YAP1: variants seen among roughly 807,000 people sequenced by gnomAD.
YAP1 encodes Yes1 associated transcriptional regulator.
Under a neutral mutation model 56.9 loss-of-function variants are expected in YAP1, and 5 were observed. The observed-to-expected ratio is 0.09, with a 90% CI of 0.05 to 0.18. The LOEUF (loss-of-function observed/expected upper bound fraction) is 0.18, where lower values mean the gene tolerates loss of function less well. YAP1 is among the 10% of genes least tolerant of loss of function. The probability of loss-of-function intolerance (pLI) is 1.00; values close to 1 mark genes in which losing one functional copy is unlikely to be tolerated. For synonymous variants in YAP1, 265 were observed against 248.1 expected (o/e 1.07, Z -0.64); for missense variants, 539 against 651.8 (o/e 0.83, Z 1.88).
Position 102,110,635 on chromosome 11 carries a change from C to G in YAP1, c.-214C>G. On this transcript the variant is annotated 5_prime_UTR_variant, in exon 1 of 9. Transcript: ENST00000282441. Reference sequence around the variant, plus strand: ...CGCAGCCCCTCCCGAGGCGCAGCCGCCAGACCAGTGGAGCCGGGGCGCAGG... The same window carrying G: ...CGCAGCCCCTCCCGAGGCGCAGCCGGCAGACCAGTGGAGCCGGGGCGCAGG... 3.6e-6 allele frequency: 1 copy of G among 279,898 alleles called. No individual in the cohort carries two copies. 17.3% of individuals were successfully genotyped at this position (279,898 alleles called of 1,614,324 possible). A position where few individuals can be genotyped will look rare whatever the true frequency, so the allele number is the denominator to read the frequency against.
intron 6 of YAP1, among the ~76,000 whole-genome samples, chr11:102,219,795 G>A (rs765568349): frequency 4.0e-5 from 6 of 151,746 alleles, no homozygotes; most frequent in African/African-American, 1.5e-4. Context: ...ACAGAGTCTC[G>A]CTCTGTCACC....
chr11:102,175,887 TTGAC>T (rs1947218775), intron 3 of YAP1, among the ~76,000 whole-genome samples: 1 of 152,242 alleles, frequency 6.6e-6, no homozygotes, highest in Non-Finnish European at 1.5e-5. Flanking sequence ...TGATCCATCA[TTGAC>T]TGAAATGTCA....
chr11:102,115,931 C>T (rs1943257521), intron 2 of YAP1, among the ~76,000 whole-genome samples: 1 of 152,202 alleles, frequency 6.6e-6, no homozygotes, highest in African/African-American at 2.4e-5. Context: ...GCCTGCTTTC[C>T]TTCTTTCTTT....
intron 3 of YAP1, among the ~76,000 whole-genome samples, chr11:102,173,623 A>G (rs1947053634): frequency 6.6e-6 from 1 of 152,286 alleles, no homozygotes; most frequent in South Asian, 2.1e-4. Context: ...TTGAGTGTTC[A>G]TCTCTGTTTT....
At chr11:102,199,275 C>T (rs1186033934) in intron 4 of YAP1, among the ~76,000 whole-genome samples, 4 of 152,184 alleles carry the variant, frequency 2.6e-5, no homozygotes, top group African/African-American at 9.7e-5. Flanking sequence ...GTATGCCCAA[C>T]TCTAATCCAA....
intron 4 of YAP1, among the ~76,000 whole-genome samples, chr11:102,192,439 A>T (rs73582094): frequency 1.3e-5 from 2 of 152,174 alleles, no homozygotes; most frequent in East Asian, 3.8e-4. Flanking sequence ...TCTTTCTTCA[A>T]TCTGCAGTAG....
intron 7 of YAP1, among the ~76,000 whole-genome samples, chr11:102,226,008 T>C (rs758771111): frequency 3.9e-5 from 6 of 152,320 alleles, no homozygotes; most frequent in Non-Finnish European, 5.9e-5. Flanking sequence ...GGAATGCCCA[T>C]GTGCTTCCCC....
intron 4 of YAP1, among the ~76,000 whole-genome samples, chr11:102,202,631 A>T (rs527322121): frequency 2.0e-5 from 3 of 152,258 alleles, no homozygotes; most frequent in Non-Finnish European, 4.4e-5. Context: ...CAAATACTTA[A>T]TATGGGAAAA....
chr11:102,210,843 T>C (rs190458030), intron 6 of YAP1, among the ~76,000 whole-genome samples: 3,770 of 151,322 alleles, frequency 0.025, 63 homozygotes, highest in Middle Eastern at 0.078. Flanking sequence ...AGCTCCGCCT[T>C]CCGGGTTCAC....
chr11:102,203,518 A>G (rs1948980944), intron 4 of YAP1, among the ~76,000 whole-genome samples: 1 of 152,166 alleles, frequency 6.6e-6, no homozygotes, highest in Non-Finnish European at 1.5e-5. Context: ...AAAATGCTAT[A>G]TTGTTTGCTT....
intron 2 of YAP1, among the ~76,000 whole-genome samples, chr11:102,142,897 T>C (rs952783979): frequency 6.6e-6 from 1 of 152,256 alleles, no homozygotes; most frequent in Non-Finnish European, 1.5e-5. Context: ...TTTTATGTCC[T>C]GCATTTGATA....
chr11:102,218,160 A>G (rs1194542445), intron 6 of YAP1, among the ~76,000 whole-genome samples: 2 of 152,250 alleles, frequency 1.3e-5, no homozygotes, highest in Non-Finnish European at 2.9e-5. Context: ...TAAAAGTTTC[A>G]AAACTCAGCT....
At chr11:102,123,555 A>G (rs1353865678) in intron 2 of YAP1, among the ~76,000 whole-genome samples, 2 of 151,422 alleles carry the variant, frequency 1.3e-5, no homozygotes, top group African/African-American at 2.4e-5. Flanking sequence ...CTCTGTTAAC[A>G]TTTAGTGGGC....
intron 2 of YAP1, among the ~76,000 whole-genome samples, chr11:102,127,399 CCAA>C (rs1944097226): frequency 6.6e-6 from 1 of 152,150 alleles, no homozygotes; most frequent in Admixed American, 6.5e-5. Flanking sequence ...CTGAAAGGGG[CCAA>C]CGTATGGCTC....
intron 4 of YAP1, among the ~76,000 whole-genome samples, chr11:102,202,430 C>T (rs960665388): frequency 3.3e-5 from 5 of 150,384 alleles, no homozygotes; most frequent in Non-Finnish European, 5.9e-5. Context: ...CCGCCTGTCT[C>T]GGCCTCCCCA....
At chr11:102,195,485 C>G (rs1007588820) in intron 4 of YAP1, among the ~76,000 whole-genome samples, 1 of 151,960 alleles carries the variant, frequency 6.6e-6, no homozygotes, top group Non-Finnish European at 1.5e-5. Flanking sequence ...TGGCTGTGTC[C>G]CCACCCAAAT....
At chr11:102,226,678 C>T (rs1950212124) in intron 7 of YAP1, among the ~76,000 whole-genome samples, 1 of 152,160 alleles carries the variant, frequency 6.6e-6, no homozygotes, top group Non-Finnish European at 1.5e-5. Context: ...ATCTGGGAAA[C>T]CTTACTTAGT....
chr11:102,220,788 G>T (rs1267627729), intron 6 of YAP1, among the ~76,000 whole-genome samples: 1 of 152,180 alleles, frequency 6.6e-6, no homozygotes, highest in Non-Finnish European at 1.5e-5. Context: ...GCCAGTTCTT[G>T]GGTATGACTG....
chr11:102,174,926 CATATG>C (rs1186809573), intron 3 of YAP1, among the ~76,000 whole-genome samples: 5 of 152,144 alleles, frequency 3.3e-5, no homozygotes, highest in Non-Finnish European at 2.9e-5. Flanking sequence ...TCTAAGCCTT[CATATG>C]TATGGTCCAC....
Sources: allele counts gnomAD v4.1 joint callset (sites outside exome capture counted in the v4.1 genomes callset), GRCh38; gene constraint gnomAD v4.1.1; transcripts MANE v1.5; gene names NCBI Gene and HGNC (gene_info 2026-07-23, HGNC 2026-07-21).